The following RARS1 variants were observed in gnomAD, a reference collection of about 807,000 sequenced individuals.
RARS1 encodes the protein arginine--tRNA ligase, cytoplasmic.
A neutral mutation model predicts 78.7 loss-of-function variants in RARS1; 75 were observed. The ratio of observed to expected loss-of-function variants is 0.95; its 90% CI spans 0.79 to 1.15. The LOEUF is 1.15. RARS1 is among the 50% of genes most tolerant of loss of function. RARS1 has a pLI of 0.00. For missense variants in RARS1, 787 were observed against 787.5 expected (o/e 1.00, Z 0.01); for synonymous variants, 273 against 268.2 (o/e 1.02, Z -0.18).
At chr5:168,490,579 A>T (rs1758062482) in intron 2 of RARS1, among the ~76,000 whole-genome samples, 1 of 152,210 alleles carries the variant, frequency 6.6e-6, no homozygotes, top group Non-Finnish European at 1.5e-5. Flanking sequence ...GAGCAGCTGA[A>T]CACAAGGTAC....
chr5:168,502,522 C>A (rs1758352448), intron 9 of RARS1, among the ~76,000 whole-genome samples: 2 of 145,738 alleles, frequency 1.4e-5, no homozygotes, highest in Non-Finnish European at 3.0e-5. Context: ...ATAATAATTT[C>A]TTAATACCAT....
Position 168,493,971 on chromosome 5 carries a change from A to C in RARS1, c.447A>C (p.Glu149Asp). 6.2e-7 allele frequency: 1 copy of C among 1,612,548 alleles called. No homozygotes were observed. ...TTACCAAACACCTCCCAGACAATGA[A>C]TGTATTGAAAAAGTTGAAATTGCTG... The part of the protein sequence containing the change: ...ENITKHLPDN[E>D]CIEKVEIAGP... Residue 149 changes from glutamate (E) to aspartate (D), a missense_variant, in exon 4 of 15, where the codon GAA becomes GAC. Transcript: ENST00000231572.
Position 168,488,587 on chromosome 5 carries a change from CT to C in RARS1, c.46-8del. The C allele has an allele frequency of 1.3e-6, 2 of 1,594,602 alleles. No homozygotes were observed. On this transcript the variant is annotated splice_polypyrimidine_tract_variant and intron_variant, in intron 1 of 14. Coordinates refer to ENST00000231572, the MANE Select transcript of RARS1 (RefSeq NM_002887.4). The stretch of plus-strand genomic sequence containing the variant: ...GTAAGTTTATGGACTGAAAAAAGTG[CT>C]TTTTTTCCCACAGGAAGAAGAGATT...
chr5:168,495,605 C>T (rs1453348446), intron 6 of RARS1, among the ~76,000 whole-genome samples, 169 bp downstream of exon 6: 1 of 152,180 alleles, frequency 6.6e-6, no homozygotes, highest in African/African-American at 2.4e-5. Flanking sequence ...ATGTCCTGAG[C>T]CTTTCCTCTG....
At chr5:168,510,532 A>C in intron 11 of RARS1, 49 bp from the exon 12 acceptor site, 1 of 1,373,376 alleles carries the variant, frequency 7.3e-7, no homozygotes, top group East Asian at 2.3e-5. Flanking sequence ...AAGATTTCTA[A>C]GTTGAAAAGT....
In RARS1 at chr5:168,492,676, G is replaced by A. The variant is rs1242034525; in HGVS notation, c.198G>A (p.Arg66=). 1.9e-6 allele frequency: 3 copies of A among 1,604,078 alleles called. No homozygotes were observed. The highest frequency in any genetic ancestry group is 1.3e-5 in the African/African-American group (1 of 74,768). ...TCCTACAGAGTCTTCAGGCAGAAAGGAACAAACCAACTAAAAATATGATTA... is the reference window on the plus strand; with the variant it reads ...TCCTACAGAGTCTTCAGGCAGAAAGAAACAAACCAACTAAAAATATGATTA... The part of the protein sequence containing the change: ...NILRKSLQAE[R]NKPTKNMINI... Residue 66 remains arginine, a synonymous_variant, in exon 3 of 15, where the codon AGG becomes AGA. Coordinates refer to ENST00000231572, the MANE Select transcript of RARS1 (RefSeq NM_002887.4).
intron 1 of RARS1, among the ~76,000 whole-genome samples, chr5:168,486,843 A>G (rs1444195933): frequency 2.0e-5 from 3 of 151,860 alleles, no homozygotes; most frequent in Non-Finnish European, 4.4e-5. Flanking sequence ...TCTCCCTACA[A>G]TCCACCTCCT....
At chr5:168,495,176 A>G in intron 5 of RARS1, 139 bp from the exon 6 acceptor site, 14 of 1,372,858 alleles carry the variant, frequency 1.0e-5, no homozygotes, top group Non-Finnish European at 1.3e-5. Flanking sequence ...GCCCAAATTA[A>G]TGTTTAAGTC....
rs746898007 is a variant in RARS1 at position 168,519,101 on chromosome 5, A to T, written c.1894A>T (p.Met632Leu). 5.0e-6 allele frequency: 8 copies of T among 1,612,290 alleles called. No homozygotes were observed. The change falls in exon 15 of 15, where the codon ATG (methionine) becomes TTG (leucine). Residue 632 changes from methionine (M) to leucine (L), a missense_variant. Coordinates refer to ENST00000231572, the MANE Select transcript of RARS1 (RefSeq NM_002887.4). ...TTCAGGAAAAATATTGAAGGTGAAC[A>T]TGTGGCGTATGCTGCTATGTGAAGC... ...RQTGKILKVN[M>L]WRMLLCEAVA...
chr5:168,518,518 C>T (rs1220061225), intron 14 of RARS1, among the ~76,000 whole-genome samples: 1 of 152,086 alleles, frequency 6.6e-6, no homozygotes, highest in African/African-American at 2.4e-5. Context: ...TGGAAGATGA[C>T]TGAGAGTAGG....
Position 168,516,861 on chromosome 5 carries a change from G to A in RARS1, c.1536G>A (p.Arg512=). 2 of 1,614,110 alleles carry A rather than the reference G, an allele frequency of 1.2e-6. No homozygotes were observed. Among genetic ancestry groups the A allele is most frequent in the Non-Finnish European group, 1.7e-6 (2 of 1,179,984 alleles). ...CIKYADLSHN[R]LNDYIFSFDK... is the part of the protein sequence containing the mutation. ...AATATGCTGACCTTTCCCATAACCG[G>A]TTGAATGACTACATCTTCTCCTTTG... Residue 512 remains arginine (R), a synonymous_variant, in exon 13 of 15, where the codon CGG becomes CGA. Coordinates refer to ENST00000231572, the MANE Select transcript of RARS1 (RefSeq NM_002887.4).
intron 12 of RARS1, among the ~76,000 whole-genome samples, chr5:168,515,606 T>A (rs566850251): frequency 3.9e-4 from 59 of 152,378 alleles, no homozygotes; most frequent in Non-Finnish European, 8.1e-4. Context: ...GCATACCAGC[T>A]GATTATCTTG....
At chr5:168,488,129 T>C (rs1325131085) in intron 1 of RARS1, 2 of 373,400 alleles carry the variant, frequency 5.4e-6, no homozygotes, top group Admixed American at 6.9e-5. Context: ...ATATTCTTTT[T>C]CTTTTTCTTT....
At chr5:168,488,573 G>T in intron 1 of RARS1, 29 bp from the exon 2 acceptor site, 1 of 1,590,282 alleles carries the variant, frequency 6.3e-7, no homozygotes, top group East Asian at 2.2e-5. Context: ...TAAGTTTATG[G>T]ACTGAAAAAA....
intron 6 of RARS1, among the ~76,000 whole-genome samples, chr5:168,496,289 G>T (rs1412881528): frequency 1.3e-5 from 2 of 149,662 alleles, no homozygotes; most frequent in Non-Finnish European, 3.0e-5. Context: ...TGAGGCAGGA[G>T]AATTGCTTGA....
Position 168,516,932 on chromosome 5 carries a change from A to G in RARS1, c.1607A>G (p.Tyr536Cys), listed in dbSNP as rs1248983041. The change falls in exon 13 of 15, where the codon TAT (tyrosine) becomes TGT (cysteine). Residue 536 changes from tyrosine (Y) to cysteine (C), a missense_variant. Tyr to Cys is a radical substitution (Grantham distance 194). Transcript: ENST00000231572. ...GGAAATACAGCTGCTTACTTGTTGT[A>G]TGCCTTCACTAGAATCAGGTAATTG... Reference protein sequence around the residue: ...DRGNTAAYLLYAFTRIRSIAR... With the variant: ...DRGNTAAYLLCAFTRIRSIAR... 6.2e-7 allele frequency: 1 copy of G among 1,614,006 alleles called. No homozygotes were observed. Among genetic ancestry groups the G allele is most frequent in the Non-Finnish European group, 8.5e-7 (1 of 1,179,892 alleles).
At chr5:168,516,203 A>G (rs1427615833) in intron 12 of RARS1, among the ~76,000 whole-genome samples, 1 of 152,094 alleles carries the variant, frequency 6.6e-6, no homozygotes, top group South Asian at 2.1e-4. Context: ...CCAGCTTTTA[A>G]ATAGTTGCTT....
chr5:168,515,909 T>C (rs1482224346), intron 12 of RARS1, among the ~76,000 whole-genome samples: 2 of 152,236 alleles, frequency 1.3e-5, no homozygotes, highest in Non-Finnish European at 2.9e-5. Flanking sequence ...ACAGAGTCTT[T>C]GACTCCTCTG....
At chr5:168,515,638 T>C (rs2113034928) in intron 12 of RARS1, among the ~76,000 whole-genome samples, 1 of 152,364 alleles carries the variant, frequency 6.6e-6, no homozygotes, top group East Asian at 1.9e-4. Context: ...ATTGGCCTTA[T>C]GCTTCTTTAG....
Sources: gnomAD v4.1 joint callset for allele counts (sites outside exome capture counted in the v4.1 genomes callset) on GRCh38, gnomAD v4.1.1 for gene constraint, MANE v1.5 for transcripts, NCBI Gene and HGNC (gene_info 2026-07-23, HGNC 2026-07-21) for gene names.